Variants in ANKS1B observed in about 807,000 individuals in gnomAD.
ANKS1B encodes the protein ankyrin repeat and sterile alpha motif domain-containing protein 1B.
In ANKS1B, 36 loss-of-function variants were observed where a neutral mutation model predicts 148.3. That is an observed-to-expected ratio of 0.24 (90% confidence interval 0.19 to 0.32). The LOEUF (loss-of-function observed/expected upper bound fraction) is 0.32, where lower values mean the gene tolerates loss of function less well. ANKS1B is among the 10% of genes least tolerant of loss of function. The pLI is 1.00. For missense variants in ANKS1B, 1,157 were observed against 1,542.6 expected, an observed-to-expected ratio of 0.75 and a Z score of 4.19; for synonymous variants, 542 against 560.8, an observed-to-expected ratio of 0.97 and a Z score of 0.47.
chr12:99,050,752 C>T (rs1266436288), intron 17 of ANKS1B, among the ~76,000 whole-genome samples: 2 of 135,110 alleles, frequency 1.5e-5, no homozygotes, highest in Non-Finnish European at 3.0e-5. Context: ...AGTGCAGTGG[C>T]GCGATCTCTG....
At position 98,745,376 on chromosome 12, in the gene ANKS1B, T is replaced by G. The variant is rs1484948737; in HGVS notation, c.*363A>C. Reference sequence around the variant, plus strand: ...AGGCAGTATTAGAGATCCCCTTTACTTTTTTTTTTTTTTTTTTTTTTTTAA... The same window carrying G: ...AGGCAGTATTAGAGATCCCCTTTACGTTTTTTTTTTTTTTTTTTTTTTTAA... On this transcript the variant is annotated 3_prime_UTR_variant, in exon 27 of 27. Coordinates refer to ENST00000683438, the MANE Select transcript of ANKS1B (RefSeq NM_001352186.2). 8.0e-6 allele frequency: 1 copy of G among 125,144 alleles called. No homozygotes were observed. Among genetic ancestry groups the G allele is most frequent in the African/African-American group, 9.9e-5 (1 of 10,060 alleles). 7.8% of individuals were successfully genotyped at this position (125,144 alleles called of 1,614,324 possible).
intron 17 of ANKS1B, among the ~76,000 whole-genome samples, chr12:98,914,670 T>C (rs902878670): frequency 6.6e-6 from 1 of 152,096 alleles, no homozygotes; most frequent in African/African-American, 2.4e-5. Context: ...CTCCAGGCAT[T>C]TTTCTACATC....
chr12:99,164,223 T>C (rs1434385785), intron 14 of ANKS1B, among the ~76,000 whole-genome samples: 1 of 152,146 alleles, frequency 6.6e-6, no homozygotes, highest in Non-Finnish European at 1.5e-5. Context: ...GTCTATCCCA[T>C]TATTTTTAAC....
intron 14 of ANKS1B, among the ~76,000 whole-genome samples, chr12:99,239,887 A>G (rs970668135): frequency 2.0e-5 from 3 of 152,216 alleles, no homozygotes; most frequent in African/African-American, 7.2e-5. Context: ...TGTCACCACC[A>G]GGCCTACCTT....
Position 99,588,168 on chromosome 12 carries a change from C to T in ANKS1B, c.1272+66899G>A, listed in dbSNP as rs541958664. Among the ~76,000 whole-genome samples the T allele has an allele frequency of 2.0e-4, 31 of 152,044 alleles. 1 individual carries two copies. The South Asian group carries it at 4.2e-3, about 20-fold the overall frequency. On this transcript the variant is annotated intron_variant, in intron 9 of 26. Coordinates refer to ENST00000683438, the MANE Select transcript of ANKS1B (RefSeq NM_001352186.2). Reference sequence around the variant, plus strand: ...AAAAAAAAAACAGTAAAATGCTACACCACTGGTTCAAGACAAATTACAGTG... The same window carrying T: ...AAAAAAAAAACAGTAAAATGCTACATCACTGGTTCAAGACAAATTACAGTG...
chr12:99,220,449 CT>C (rs5800380), intron 14 of ANKS1B, among the ~76,000 whole-genome samples: 1,532 of 112,690 alleles, frequency 0.014, 23 homozygotes, highest in East Asian at 0.078. Context: ...AGTAGCATTT[CT>C]TTTTTTTTTT....
In ANKS1B at chr12:99,886,451, C is replaced by T. The variant is rs80035548; in HGVS notation, c.135-61062G>A. On this transcript the variant is annotated intron_variant, in intron 1 of 26. Transcript: ENST00000683438. The stretch of plus-strand genomic sequence containing the variant: ...TTTCCTATTGTGTAATTAATTCTTT[C>T]TTAATATCTTTACCTTTCTCACTAT... Among the ~76,000 whole-genome samples, 4,163 of 152,224 alleles carry T rather than the reference C, an allele frequency of 0.027. 382 individuals carry two copies. The East Asian group carries it at 0.34, about 12-fold the overall frequency.
At chr12:99,672,046 A>G (rs1435343481) in intron 8 of ANKS1B, among the ~76,000 whole-genome samples, 1 of 152,122 alleles carries the variant, frequency 6.6e-6, no homozygotes, top group East Asian at 1.9e-4. Flanking sequence ...GACAAGTTCA[A>G]AAACATGGCA....
intron 15 of ANKS1B, among the ~76,000 whole-genome samples, chr12:99,135,086 T>C (rs2153774369): frequency 6.6e-6 from 1 of 152,076 alleles, no homozygotes; most frequent in East Asian, 1.9e-4. Flanking sequence ...TTCTAACAGG[T>C]TCAAAACAAT....
intron 14 of ANKS1B, among the ~76,000 whole-genome samples, chr12:99,196,954 A>C (rs2081460946): frequency 6.6e-6 from 1 of 152,152 alleles, no homozygotes; most frequent in South Asian, 2.1e-4. Flanking sequence ...AGGGCCACAG[A>C]TAATTCCAGG....
intron 12 of ANKS1B, among the ~76,000 whole-genome samples, chr12:99,319,140 G>C (rs2084738675): frequency 6.6e-6 from 1 of 152,284 alleles, no homozygotes; most frequent in East Asian, 1.9e-4. Flanking sequence ...TAAGAAGAAT[G>C]TATATTCTCT....
chr12:99,318,148 A>C (rs1314038740), intron 12 of ANKS1B, among the ~76,000 whole-genome samples: 2 of 152,166 alleles, frequency 1.3e-5, no homozygotes, highest in Non-Finnish European at 2.9e-5. Context: ...TGTCTCTGCC[A>C]GGCTTTGGTA....
chr12:99,508,689 A>G (rs922071200), intron 9 of ANKS1B, among the ~76,000 whole-genome samples: 1 of 151,796 alleles, frequency 6.6e-6, no homozygotes, highest in African/African-American at 2.4e-5. Context: ...TTTTGCTTTG[A>G]AGGAAACATT....
chr12:99,979,992 AAGAC>A (rs1356301380), intron 1 of ANKS1B, among the ~76,000 whole-genome samples: 20 of 152,024 alleles, frequency 1.3e-4, no homozygotes, highest in Non-Finnish European at 2.1e-4. Flanking sequence ...AATACGCTGA[AAGAC>A]AGACTCAAGA....
At chr12:99,030,012 C>G (rs1168156432) in intron 17 of ANKS1B, among the ~76,000 whole-genome samples, 2 of 152,264 alleles carry the variant, frequency 1.3e-5, no homozygotes, top group Admixed American at 6.5e-5. Context: ...TTATCCTGGT[C>G]ACCTGCCTTG....
chr12:98,992,268 C>A lies in ANKS1B; in HGVS notation c.2778+60889G>T, dbSNP rs115497873. Among the ~76,000 whole-genome samples, 911 of 152,254 alleles carry A rather than the reference C, an allele frequency of 6.0e-3. 10 individuals are homozygous for A. The highest frequency in any genetic ancestry group is 0.021 in the African/African-American group (869 of 41,538). ...GGAAGACTCTTTCTTTAAATCTTGG[C>A]AAGGCTGCCTCCTTTATTATTCAGA... On this transcript the variant is annotated intron_variant, in intron 17 of 26. Coordinates refer to ENST00000683438, the MANE Select transcript of ANKS1B (RefSeq NM_001352186.2).
At chr12:99,616,478 A>G (rs1451735878) in intron 9 of ANKS1B, among the ~76,000 whole-genome samples, 2 of 152,212 alleles carry the variant, frequency 1.3e-5, no homozygotes, top group Non-Finnish European at 1.5e-5. Context: ...GGCCTCAGAA[A>G]TAACGCCACA....
intron 14 of ANKS1B, among the ~76,000 whole-genome samples, chr12:99,240,393 G>C (rs542372353): frequency 6.6e-6 from 1 of 152,236 alleles, no homozygotes; most frequent in East Asian, 1.9e-4. Flanking sequence ...CCCAATACAG[G>C]AGTAACCAGA....
At chr12:99,951,748 A>G (rs112590253) in intron 1 of ANKS1B, among the ~76,000 whole-genome samples, 1 of 152,164 alleles carries the variant, frequency 6.6e-6, no homozygotes, top group African/African-American at 2.4e-5. Flanking sequence ...GCCAGGCACA[A>G]TGGCCCATGC....
Sources: gnomAD v4.1 joint callset for allele counts (sites outside exome capture counted in the v4.1 genomes callset) on GRCh38, gnomAD v4.1.1 for gene constraint, MANE v1.5 for transcripts, NCBI Gene and HGNC (gene_info 2026-07-23, HGNC 2026-07-21) for gene names.